MACROD2: variants seen among roughly 807,000 people sequenced by gnomAD.
MACROD2 encodes the protein mono-ADP ribosylhydrolase 2.
A neutral mutation model predicts 70.4 loss-of-function variants in MACROD2; 36 were observed. That is an observed-to-expected ratio of 0.51 (90% CI 0.39 to 0.68). The LOEUF is 0.68. MACROD2 is among the 30% of genes least tolerant of loss of function. The pLI, the probability that MACROD2 is intolerant of heterozygous loss-of-function variation, is 0.00. For missense variants in MACROD2, 496 were observed against 538.4 expected (o/e 0.92, Z 0.78); for synonymous variants, 172 against 178.8 (o/e 0.96, Z 0.30).
chr20:14,908,870 TA>T (rs2073992117), intron 5 of MACROD2, among the ~76,000 whole-genome samples: 1 of 152,172 alleles, frequency 6.6e-6, no homozygotes, highest in Admixed American at 6.5e-5. Flanking sequence ...GAGGAGACAG[TA>T]CTACAAGAGT....
chr20:15,193,935 T>C (rs564115081), intron 5 of MACROD2, among the ~76,000 whole-genome samples: 2 of 152,048 alleles, frequency 1.3e-5, no homozygotes, highest in South Asian at 4.2e-4. Context: ...AAATTGTTTA[T>C]ACTGTGAAAG....
intron 4 of MACROD2, among the ~76,000 whole-genome samples, chr20:14,567,442 G>T (rs1979885563): frequency 6.6e-6 from 1 of 152,016 alleles, no homozygotes; most frequent in African/African-American, 2.4e-5. Flanking sequence ...GTGCATGCGT[G>T]TGCCCTGCTA....
At chr20:14,746,834 C>T (rs563996939) in intron 5 of MACROD2, among the ~76,000 whole-genome samples, 5 of 152,186 alleles carry the variant, frequency 3.3e-5, no homozygotes, top group Non-Finnish European at 5.9e-5. Flanking sequence ...TTTGCGGAAT[C>T]GAATTTCATC....
chr20:14,802,665 G>A (rs1031353121), intron 5 of MACROD2, among the ~76,000 whole-genome samples: 1 of 151,892 alleles, frequency 6.6e-6, no homozygotes, highest in Middle Eastern at 3.4e-3. Flanking sequence ...AATAATAATT[G>A]TTCCATCTGA....
intron 5 of MACROD2, among the ~76,000 whole-genome samples, chr20:14,929,971 C>T (rs1440170943): frequency 6.6e-6 from 1 of 151,902 alleles, no homozygotes; most frequent in African/African-American, 2.4e-5. Flanking sequence ...ACCATCCTGG[C>T]TAACACGGTG....
intron 3 of MACROD2, among the ~76,000 whole-genome samples, chr20:14,351,108 G>T (rs1000560810): frequency 2.0e-5 from 3 of 152,150 alleles, no homozygotes. Context: ...ATTGAGCTAT[G>T]TGTCTGTTTT....
intron 3 of MACROD2, among the ~76,000 whole-genome samples, chr20:14,236,282 C>T (rs887964878): frequency 6.6e-6 from 1 of 151,940 alleles, no homozygotes; most frequent in African/African-American, 2.4e-5. Flanking sequence ...TATTCATGAT[C>T]GATTAAGTGA....
intron 8 of MACROD2, among the ~76,000 whole-genome samples, chr20:15,637,740 G>A (rs574660908): frequency 2.6e-5 from 4 of 152,246 alleles, no homozygotes; most frequent in African/African-American, 4.8e-5. Context: ...GGGGAGCCGC[G>A]GTTGTGGGCT....
intron 8 of MACROD2, among the ~76,000 whole-genome samples, chr20:15,762,297 C>G (rs6043524): frequency 0.055 from 8,330 of 152,198 alleles, 643 homozygotes; most frequent in African/African-American, 0.18. Context: ...AAGGACAAGG[C>G]AGGTGACATT....
At chr20:15,612,880 T>A (rs1178659257) in intron 8 of MACROD2, among the ~76,000 whole-genome samples, 1 of 152,224 alleles carries the variant, frequency 6.6e-6, no homozygotes, top group African/African-American at 2.4e-5. Context: ...TCCCATCACT[T>A]ACTAATAAAA....
intron 5 of MACROD2, among the ~76,000 whole-genome samples, chr20:14,858,096 C>T (rs1034167231): frequency 2.6e-5 from 4 of 152,158 alleles, no homozygotes; most frequent in African/African-American, 4.8e-5. Flanking sequence ...GCTGGGATTA[C>T]AGGCGTGAGC....
chr20:15,437,195 T>C (rs1362062084), intron 7 of MACROD2, among the ~76,000 whole-genome samples: 1 of 152,200 alleles, frequency 6.6e-6, no homozygotes, highest in African/African-American at 2.4e-5. Context: ...TATTTGATGA[T>C]AGAAACTAGT....
intron 5 of MACROD2, among the ~76,000 whole-genome samples, chr20:15,072,425 G>A (rs779685843): frequency 2.6e-5 from 4 of 152,150 alleles, no homozygotes; most frequent in Non-Finnish European, 4.4e-5. Context: ...ATGATGGCAA[G>A]AATAAGAATA....
chr20:15,971,487 G>A (rs2066229876), intron 13 of MACROD2, among the ~76,000 whole-genome samples: 1 of 152,272 alleles, frequency 6.6e-6, no homozygotes, highest in East Asian at 1.9e-4. Flanking sequence ...GCCTTCTGCT[G>A]TGATTATGAG....
intron 5 of MACROD2, among the ~76,000 whole-genome samples, chr20:15,206,937 C>T (rs2076713251): frequency 6.6e-6 from 1 of 150,676 alleles, no homozygotes; most frequent in Admixed American, 6.6e-5. Flanking sequence ...GGGGTTTCAC[C>T]TTGTTAGCCA....
At chr20:14,066,670 A>G (rs2053761422) in intron 2 of MACROD2, among the ~76,000 whole-genome samples, 1 of 152,170 alleles carries the variant, frequency 6.6e-6, no homozygotes. Flanking sequence ...CTTTAGTTCT[A>G]GTCTATACTA....
At chr20:14,989,727 T>C (rs2122865058) in intron 5 of MACROD2, among the ~76,000 whole-genome samples, 1 of 152,290 alleles carries the variant, frequency 6.6e-6, no homozygotes, top group African/African-American at 2.4e-5. Flanking sequence ...AATAAGGTCC[T>C]AGGTGAAATC....
At chr20:15,283,139 T>G (rs2077460665) in intron 6 of MACROD2, among the ~76,000 whole-genome samples, 1 of 152,144 alleles carries the variant, frequency 6.6e-6, no homozygotes, top group Admixed American at 6.5e-5. Context: ...TACCTCCCCT[T>G]GGTACTGCTT....
chr20:15,134,519 T>A (rs907230915), intron 5 of MACROD2, among the ~76,000 whole-genome samples: 2 of 151,968 alleles, frequency 1.3e-5, no homozygotes, highest in Admixed American at 6.6e-5. Flanking sequence ...TTGAAACCAA[T>A]GAGAACACAG....
Sources: gnomAD v4.1 joint callset for allele counts (sites outside exome capture counted in the v4.1 genomes callset) on GRCh38, gnomAD v4.1.1 for gene constraint, MANE v1.5 for transcripts, NCBI Gene and HGNC (gene_info 2026-07-23, HGNC 2026-07-21) for gene names.